The following CPA6 variants were observed in gnomAD, a reference collection of about 807,000 sequenced individuals.
CPA6 encodes carboxypeptidase B.
Under a neutral mutation model 63.3 loss-of-function variants are expected in CPA6, and 58 were observed. That is an observed-to-expected ratio of 0.92 (90% CI 0.74 to 1.14). The LOEUF is 1.14. Among genes scored for constraint, CPA6 ranks in the 50% most tolerant of loss-of-function variants. The pLI is 0.00. For synonymous variants in CPA6, 185 were observed against 179.0 expected, an observed-to-expected ratio of 1.03 and a Z score of -0.27; for missense variants, 565 against 526.6, an observed-to-expected ratio of 1.07 and a Z score of -0.71.
intron 1 of CPA6, among the ~76,000 whole-genome samples, chr8:67,679,940 G>A (rs1816557689): frequency 6.6e-6 from 1 of 152,160 alleles, no homozygotes; most frequent in South Asian, 2.1e-4. Context: ...GGTGTATTAG[G>A]AGCTGTGTAT....
chr8:67,503,738 T>TATC (rs1339420880), intron 6 of CPA6, among the ~76,000 whole-genome samples: 2 of 152,114 alleles, frequency 1.3e-5, no homozygotes, highest in African/African-American at 4.8e-5. Context: ...GCATGCATTA[T>TATC]ATTATTATTA....
chr8:67,610,021 C>CAAAAAACAAAACAAAACAA (rs1337096127), intron 2 of CPA6, among the ~76,000 whole-genome samples: 1 of 149,062 alleles, frequency 6.7e-6, no homozygotes, highest in Non-Finnish European at 1.5e-5. Flanking sequence ...GACTCCGTCT[C>CAAAAAACAAAACAAAACAA]AACAAAACAA....
At chr8:67,702,362 GTAGCTTTATCATGT>G (rs1448693895) in intron 1 of CPA6, among the ~76,000 whole-genome samples, 1 of 152,172 alleles carries the variant, frequency 6.6e-6, no homozygotes, top group African/African-American at 2.4e-5. Flanking sequence ...ATGATCCCAT[GTAGCTTTATCATGT>G]TAGAGTAGGT....
At chr8:67,724,729 CA>C (rs1407474793) in intron 1 of CPA6, among the ~76,000 whole-genome samples, 4 of 152,324 alleles carry the variant, frequency 2.6e-5, no homozygotes, top group African/African-American at 9.6e-5. Flanking sequence ...TAAAACCACA[CA>C]ATTAAAAATA....
rs562440396 is a variant in CPA6 at position 67,462,276 on chromosome 8, C to T, written c.838+21492G>A. 3.9e-5 allele frequency among the ~76,000 whole-genome samples: 6 copies of T among 152,200 alleles called. No homozygotes were observed. In the South Asian group the frequency reaches 1.2e-3, roughly 32 times the overall value. On this transcript the variant is annotated intron_variant, in intron 8 of 10. Transcript: ENST00000297770. ...GCAGTATTTTTTTACATCTATTGAT[C>T]TTACCTTGCTTTGTTCAACTGTGTG...
intron 8 of CPA6, among the ~76,000 whole-genome samples, chr8:67,480,831 G>A (rs547823066): frequency 6.6e-6 from 1 of 152,260 alleles, no homozygotes; most frequent in South Asian, 2.1e-4. Flanking sequence ...ACCAACACAT[G>A]TTATTGTCTT....
In CPA6 at chr8:67,605,383, T is replaced by C. The variant is rs528059153; in HGVS notation, c.192+18793A>G. Among the ~76,000 whole-genome samples, 3 of 152,322 alleles carry C rather than the reference T, an allele frequency of 2.0e-5. No individual in the cohort carries two copies. The South Asian group carries it at 6.2e-4, about 32-fold the overall frequency. ...AATTTGCAGATGCTCAAGTTCCTGA[T>C]ATAAAATGCCCTGGTATTTGCATAT... On this transcript the variant is annotated intron_variant, in intron 2 of 10. Coordinates refer to ENST00000297770, the MANE Select transcript of CPA6 (RefSeq NM_020361.5).
chr8:67,467,627 T>C (rs1023384920), intron 8 of CPA6, among the ~76,000 whole-genome samples: 8 of 152,198 alleles, frequency 5.3e-5, no homozygotes, highest in Admixed American at 3.3e-4. Flanking sequence ...TCATGGCTTA[T>C]GGTCCTGCTG....
At chr8:67,616,501 A>ATGTGTGTGTGTG (rs4009134) in intron 2 of CPA6, among the ~76,000 whole-genome samples, 34 of 127,040 alleles carry the variant, frequency 2.7e-4, no homozygotes, top group Non-Finnish European at 3.7e-4. Flanking sequence ...GGCAAATTGA[A>ATGTGTGTGTGTG]TGTGTGTGTG....
intron 8 of CPA6, among the ~76,000 whole-genome samples, chr8:67,482,635 T>C (rs115250694): frequency 0.03 from 4,528 of 152,220 alleles, 225 homozygotes; most frequent in African/African-American, 0.1. Flanking sequence ...GAACAAGGGA[T>C]AGGTTACTGA....
chr8:67,684,862 G>A (rs150039456), intron 1 of CPA6, among the ~76,000 whole-genome samples: 68 of 152,140 alleles, frequency 4.5e-4, no homozygotes, highest in African/African-American at 1.6e-3. Context: ...CTGACCACCC[G>A]GGCCTGTCTT....
At chr8:67,524,519 C>T (rs1812322253) in intron 2 of CPA6, among the ~76,000 whole-genome samples, 2 of 152,164 alleles carry the variant, frequency 1.3e-5, no homozygotes, top group Admixed American at 6.5e-5. Context: ...TTTATGCCTC[C>T]ATCTTCCCAT....
chr8:67,543,107 C>G (rs1812741456), intron 2 of CPA6, among the ~76,000 whole-genome samples: 1 of 152,134 alleles, frequency 6.6e-6, no homozygotes, highest in Non-Finnish European at 1.5e-5. Context: ...TAGTCTATGG[C>G]TAATCCAGTT....
chr8:67,713,097 G>GTATATA (rs1172040978), intron 1 of CPA6, among the ~76,000 whole-genome samples: 173 of 60,200 alleles, frequency 2.9e-3, no homozygotes, highest in Non-Finnish European at 3.3e-3. Context: ...GTGTGTGTGT[G>GTATATA]TGTATATATA....
chr8:67,640,229 C>T (rs538248331), intron 1 of CPA6, among the ~76,000 whole-genome samples: 1 of 151,280 alleles, frequency 6.6e-6, no homozygotes, highest in South Asian at 2.1e-4. Context: ...GGGACCTGCC[C>T]CCTTCTGCCC....
At chr8:67,591,728 A>C (rs1814131508) in intron 2 of CPA6, among the ~76,000 whole-genome samples, 1 of 152,138 alleles carries the variant, frequency 6.6e-6, no homozygotes, top group Non-Finnish European at 1.5e-5. Context: ...ATTTTTGTAC[A>C]TTGATTTTGT....
chr8:67,545,478 C>T (rs1812794138), intron 2 of CPA6, among the ~76,000 whole-genome samples: 1 of 152,004 alleles, frequency 6.6e-6, no homozygotes, highest in African/African-American at 2.4e-5. Flanking sequence ...ATGTTTTCTT[C>T]CTGGTCTCTT....
intron 1 of CPA6, among the ~76,000 whole-genome samples, chr8:67,657,572 G>A (rs117830300): frequency 0.033 from 5,030 of 152,312 alleles, 111 homozygotes; most frequent in Non-Finnish European, 0.043. Context: ...GATGTGGTGT[G>A]TTCACTGGTA....
At chr8:67,486,736 C>A (rs115205256) in intron 6 of CPA6, among the ~76,000 whole-genome samples, 4,539 of 152,222 alleles carry the variant, frequency 0.03, 225 homozygotes, top group African/African-American at 0.1. Context: ...AATGGTAGAA[C>A]TCAGCTCTGA....
Sources: gnomAD v4.1 joint callset for allele counts (sites outside exome capture counted in the v4.1 genomes callset) on GRCh38, gnomAD v4.1.1 for gene constraint, MANE v1.5 for transcripts, NCBI Gene and HGNC (gene_info 2026-07-23, HGNC 2026-07-21) for gene names.